DCAF1: variants seen among roughly 807,000 people sequenced by gnomAD.
DCAF1 encodes DDB1 and CUL4 associated factor 1.
A neutral mutation model predicts 128.0 loss-of-function variants in DCAF1; 15 were observed. The ratio of observed to expected loss-of-function variants is 0.12; its 90% CI spans 0.08 to 0.18. The LOEUF (loss-of-function observed/expected upper bound fraction) is 0.18. Ranked by LOEUF, DCAF1 falls within the 10% of genes least tolerant of loss-of-function variation. DCAF1 has a pLI of 1.00. For missense variants in DCAF1, 988 were observed against 1,649.5 expected (o/e 0.60, Z 6.95); for synonymous variants, 610 against 603.0 (o/e 1.01, Z -0.17).
chr3:51,400,114 G>C (rs782604898), intron 24 of DCAF1, among the ~76,000 whole-genome samples: 3 of 152,224 alleles, frequency 2.0e-5, no homozygotes, highest in African/African-American at 7.2e-5. Context: ...CAGTGTTCCT[G>C]GGTCTAAGTG....
Position 51,483,745 on chromosome 3 carries a change from C to T in DCAF1, c.84G>A (p.Gly28=), listed in dbSNP as rs1324072687. The T allele has an allele frequency of 1.2e-6, 2 of 1,613,572 alleles. No individual in the cohort carries two copies. The highest frequency in any genetic ancestry group is 1.7e-6 in the Non-Finnish European group (2 of 1,179,780). Residue 28 remains glycine (G), a synonymous_variant, in exon 3 of 25, where the codon GGG becomes GGA. Transcript: ENST00000684031. ...TGGTAAGGATAGGTACCATGTCCTGCCCACTGCCATGTTCCTTTTCCCACT... is the reference window on the plus strand; with the variant it reads ...TGGTAAGGATAGGTACCATGTCCTGTCCACTGCCATGTTCCTTTTCCCACT... ...LEQWEKEHGS[G]QDMVPILTRM...
intron 2 of DCAF1, among the ~76,000 whole-genome samples, chr3:51,487,079 C>G (rs1257132343): frequency 1.3e-5 from 2 of 151,884 alleles, no homozygotes; most frequent in Non-Finnish European, 2.9e-5. Context: ...GCGAGCGATT[C>G]TCCCACCTCA....
At chr3:51,488,632 G>A (rs1032500010) in intron 2 of DCAF1, among the ~76,000 whole-genome samples, 9 of 152,140 alleles carry the variant, frequency 5.9e-5, no homozygotes, top group Admixed American at 2.6e-4. Flanking sequence ...GCGAAACCCC[G>A]TCTCTACTAA....
Position 51,458,655 on chromosome 3 carries a change from T to C in DCAF1, c.375+4459A>G, listed in dbSNP as rs192914905. On this transcript the variant is annotated intron_variant, in intron 6 of 24. Coordinates refer to ENST00000684031, the MANE Select transcript of DCAF1 (RefSeq NM_001387579.1). ...CACACCTACTCCAAAACTGACCACATAGTTGGAAGTAAAGCACTCCTCAGC... is the reference window on the plus strand; with the variant it reads ...CACACCTACTCCAAAACTGACCACACAGTTGGAAGTAAAGCACTCCTCAGC... Among the ~76,000 whole-genome samples, 100 of 152,236 alleles carry C rather than the reference T, an allele frequency of 6.6e-4. 1 individual carries two copies. The highest frequency in any genetic ancestry group is 3.2e-3 in the Admixed American group (49 of 15,284).
intron 12 of DCAF1, among the ~76,000 whole-genome samples, chr3:51,427,985 A>G (rs1442259950): frequency 6.6e-6 from 1 of 152,120 alleles, no homozygotes; most frequent in Non-Finnish European, 1.5e-5. Flanking sequence ...TATAAATTAA[A>G]TAATAATACC....
intron 10 of DCAF1, among the ~76,000 whole-genome samples, chr3:51,430,632 G>T (rs1053047581): frequency 1.3e-5 from 2 of 152,122 alleles, no homozygotes; most frequent in African/African-American, 2.4e-5. Flanking sequence ...CACACATTTT[G>T]ATGTCTACTA....
chr3:51,489,740 T>G (rs372234059), intron 2 of DCAF1, among the ~76,000 whole-genome samples: 1 of 151,344 alleles, frequency 6.6e-6, no homozygotes, highest in East Asian at 1.9e-4. Context: ...TGAGCCAAGA[T>G]TGCACCAGTG....
intron 14 of DCAF1, among the ~76,000 whole-genome samples, chr3:51,422,047 G>A (rs1553632648): frequency 6.6e-6 from 1 of 151,948 alleles, no homozygotes; most frequent in Non-Finnish European, 1.5e-5. Flanking sequence ...GTACCACTCA[G>A]AAAACCTGAG....
chr3:51,422,546 A>T, intron 13 of DCAF1, 115 bp from the exon 14 acceptor site: 1 of 655,192 alleles, frequency 1.5e-6, no homozygotes, highest in Non-Finnish European at 2.8e-6. Context: ...AATAAATCAG[A>T]AGCACTACCA....
chr3:51,436,845 AT>A (rs769903018), intron 9 of DCAF1, among the ~76,000 whole-genome samples: 44 of 152,152 alleles, frequency 2.9e-4, no homozygotes, highest in Non-Finnish European at 5.7e-4. Context: ...AGCATAATAG[AT>A]TTTCTGGCTT....
At position 51,463,165 on chromosome 3, in the gene DCAF1, G is replaced by T. The variant is rs140712750; in HGVS notation, c.324C>A (p.Leu108=). Residue 108 remains leucine, a synonymous_variant, in exon 6 of 25, where the codon CTC becomes CTA. Transcript: ENST00000684031. The part of the protein sequence containing the change: ...EPPLNTAACR[L]LLDIMPGLET... ...CCAGCCCTGGCATGATGTCTAATAGGAGTCTGCAAGCTGCAGTGTTTAAAG... is the reference window on the plus strand; with the variant it reads ...CCAGCCCTGGCATGATGTCTAATAGTAGTCTGCAAGCTGCAGTGTTTAAAG... The T allele has an allele frequency of 2.5e-6, 4 of 1,597,704 alleles. No homozygotes were observed. The East Asian group carries it at 6.8e-5, about 27-fold the overall frequency.
intron 6 of DCAF1, among the ~76,000 whole-genome samples, chr3:51,444,887 G>A (rs1345319188): frequency 1.3e-5 from 2 of 149,660 alleles, no homozygotes; most frequent in Non-Finnish European, 3.0e-5. Context: ...GTGTTAGCCA[G>A]GATGGTCTCG....
chr3:51,480,481 C>G (rs1553652379), intron 3 of DCAF1, among the ~76,000 whole-genome samples: 3 of 151,656 alleles, frequency 2.0e-5, no homozygotes, highest in Non-Finnish European at 4.4e-5. Flanking sequence ...CGCCTGTAAT[C>G]CCAGCTACTC....
intron 6 of DCAF1, among the ~76,000 whole-genome samples, chr3:51,451,116 TCTCA>T (rs1221132139): frequency 9.7e-6 from 1 of 103,186 alleles, no homozygotes; most frequent in East Asian, 3.4e-4. Context: ...AGTGACAAGG[TCTCA>T]CTCTGTCACC....
chr3:51,477,917 T>A (rs931823940), intron 3 of DCAF1, among the ~76,000 whole-genome samples: 16 of 151,736 alleles, frequency 1.1e-4, no homozygotes, highest in African/African-American at 3.9e-4. Context: ...TATATATATA[T>A]ACACACACAC....
rs782041436 is a variant in DCAF1 at position 51,420,811 on chromosome 3, T to C, written c.2159A>G (p.His720Arg). 7 of 1,613,918 alleles carry C rather than the reference T, an allele frequency of 4.3e-6. No individual in the cohort carries two copies. The highest frequency in any genetic ancestry group is 2.2e-5 in the East Asian group (1 of 44,896). ...KLPQNPKSSE[H>R]TLAKMWNVVQ... ...CACATTCCACATCTTGGCCAGGGTG[T>C]GCTCACTGCTTTTAGGGTTCTGAGG... The change falls in exon 15 of 25, where the codon CAC (histidine) becomes CGC (arginine). Residue 720 changes from histidine (H) to arginine (R), a missense_variant. Physicochemically the swap from His to Arg is conservative, Grantham distance 29. Around this residue, in one of 11 missense-constraint regions of DCAF1, gnomAD observed 185 missense variants for 248.1 expected, o/e 0.75. Coordinates refer to ENST00000684031, the MANE Select transcript of DCAF1 (RefSeq NM_001387579.1). This position sits in a 1 kb window ranked among gnomAD's most constrained non-coding sequence, Gnocchi z 6.5.
Position 51,414,868 on chromosome 3 carries a change from G to A in DCAF1, c.3604-11C>T, listed in dbSNP as rs782221321. The stretch of plus-strand genomic sequence containing the variant: ...CTGAATATCATAAATCTTTAGAGAA[G>A]AAGGGATGGGAAGAGAAAAATCAGA... On this transcript the variant is annotated splice_polypyrimidine_tract_variant and intron_variant, in intron 18 of 24. Transcript: ENST00000684031. 1.2e-5 allele frequency: 20 copies of A among 1,605,274 alleles called. 1 individual carries two copies. The highest frequency in any genetic ancestry group is 1.5e-5 in the Non-Finnish European group (18 of 1,173,382).
At position 51,414,607 on chromosome 3, in the gene DCAF1, A is replaced by C; in HGVS notation, c.3837+17T>G. On this transcript the variant is annotated intron_variant, in intron 19 of 24. Transcript: ENST00000684031. Reference sequence around the variant, plus strand: ...CCAGACAACAAATGGAAGGTAAGACATGAGTATAAAGGATACAATCTCAGT... The same window carrying C: ...CCAGACAACAAATGGAAGGTAAGACCTGAGTATAAAGGATACAATCTCAGT... 6.2e-7 allele frequency: 1 copy of C among 1,606,926 alleles called. No individual in the cohort carries two copies. The highest frequency in any genetic ancestry group is 1.3e-5 in the African/African-American group (1 of 74,944).
At chr3:51,408,336 T>G (rs1553627343) in intron 23 of DCAF1, among the ~76,000 whole-genome samples, 1 of 152,232 alleles carries the variant, frequency 6.6e-6, no homozygotes, top group Non-Finnish European at 1.5e-5. Flanking sequence ...GAATTTATTT[T>G]GCTATAATGA....
Sources: gnomAD v4.1 joint callset for allele counts (sites outside exome capture counted in the v4.1 genomes callset) on GRCh38, gnomAD v4.1.1 for gene constraint, gnomAD v4.1.1 regional missense constraint, Gnocchi (gnomAD v3.1) non-coding constraint, MANE v1.5 for transcripts, NCBI Gene and HGNC (gene_info 2026-07-23, HGNC 2026-07-21) for gene names.